The following CIDEA variants were observed in gnomAD, a reference collection of about 807,000 sequenced individuals.
The protein encoded by CIDEA is cell death inducing DFFA like effector a.
In CIDEA, 10 loss-of-function variants were observed where a neutral mutation model predicts 18.2. The ratio of observed to expected loss-of-function variants is 0.55; its 90% CI spans 0.34 to 0.93. CIDEA has a LOEUF of 0.93. CIDEA is among the 40% of genes least tolerant of loss of function. The pLI, the probability that CIDEA is intolerant of heterozygous loss-of-function variation, is 0.02. For synonymous variants in CIDEA, 128 were observed against 124.8 expected, an observed-to-expected ratio of 1.03 and a Z score of -0.17; for missense variants, 309 against 293.1, an observed-to-expected ratio of 1.05 and a Z score of -0.40.
At chr18:12,256,260 C>G (rs1912031543) in intron 1 of CIDEA, among the ~76,000 whole-genome samples, 2 of 152,236 alleles carry the variant, frequency 1.3e-5, no homozygotes, top group Admixed American at 6.5e-5. Flanking sequence ...TGTGCTCTTG[C>G]TGGACTTCGG....
intron 3 of CIDEA, among the ~76,000 whole-genome samples, chr18:12,271,780 A>G (rs1568105617): frequency 6.6e-6 from 1 of 151,952 alleles, no homozygotes; most frequent in East Asian, 2.0e-4. Flanking sequence ...TTCTGGGCAA[A>G]ACCAGTTTAG....
chr18:12,276,915 T>G (rs1267887789), intron 4 of CIDEA, among the ~76,000 whole-genome samples: 1 of 152,220 alleles, frequency 6.6e-6, no homozygotes, highest in Non-Finnish European at 1.5e-5. Context: ...CACAGAGACC[T>G]GCTCCTGGCC....
At chr18:12,254,471 G>A (rs1911954835) in intron 1 of CIDEA, 50 bp downstream of exon 1, 2 of 1,583,232 alleles carry the variant, frequency 1.3e-6, no homozygotes, top group Admixed American at 3.5e-5. Flanking sequence ...ATCGCCTTGC[G>A]TTCGGTGGCC....
chr18:12,277,518 C>A lies in CIDEA; in HGVS notation c.*248C>A, dbSNP rs900547192. ...GGGAAGCGAGCACGCAGCAGGCGTG[C>A]CCAGGAGCGTGTGCATGTGTCAGAG... On this transcript the variant is annotated 3_prime_UTR_variant, in exon 5 of 5. Transcript: ENST00000320477. The A allele has an allele frequency of 2.4e-5, 12 of 494,010 alleles. No individual in the cohort carries two copies. Among genetic ancestry groups the A allele is most frequent in the Non-Finnish European group, 3.7e-5 (10 of 273,144 alleles). The allele number at this position is 494,010 out of a possible 1,614,324, so 30.6% of individuals were successfully genotyped here.
chr18:12,263,871 T>C (rs1912266342), intron 2 of CIDEA: 1 of 152,728 alleles, frequency 6.5e-6, no homozygotes. Context: ...AAATAGGTAA[T>C]CTTAGAAATT....
At chr18:12,269,539 A>T (rs1912454000) in intron 3 of CIDEA, among the ~76,000 whole-genome samples, 1 of 152,118 alleles carries the variant, frequency 6.6e-6, no homozygotes, top group Non-Finnish European at 1.5e-5. Flanking sequence ...TTTTGAATGG[A>T]CCTTTTTCCT....
chr18:12,267,055 G>A (rs368373446), intron 3 of CIDEA, among the ~76,000 whole-genome samples: 78 of 152,146 alleles, frequency 5.1e-4, no homozygotes, highest in African/African-American at 1.8e-3. Context: ...CACCGCACCC[G>A]GCCGATTTTT....
At chr18:12,254,785 C>G (rs764909081) in intron 1 of CIDEA, 3 of 1,367,042 alleles carry the variant, frequency 2.2e-6, no homozygotes, top group Non-Finnish European at 1.9e-6. Flanking sequence ...GAAGAGGGTC[C>G]GGTCCCAGGA....
chr18:12,262,408 A>G (rs1462721667), intron 1 of CIDEA, among the ~76,000 whole-genome samples: 1 of 152,212 alleles, frequency 6.6e-6, no homozygotes, highest in Non-Finnish European at 1.5e-5. Context: ...TTGTGTAAAC[A>G]TGTAGCTATG....
intron 3 of CIDEA, among the ~76,000 whole-genome samples, chr18:12,265,056 A>G (rs1420062037): frequency 1.3e-5 from 2 of 152,126 alleles, no homozygotes; most frequent in Non-Finnish European, 2.9e-5. Flanking sequence ...TGACTTGGCA[A>G]CTCTTCACCA....
chr18:12,274,251 CACGGG>C lies in CIDEA; in HGVS notation c.492_496del (p.Gly165GlnfsTer35). 6.2e-7 allele frequency: 1 copy of C among 1,614,198 alleles called. No homozygotes were observed. Among genetic ancestry groups the C allele is most frequent in the Non-Finnish European group, 8.5e-7 (1 of 1,180,034 alleles). ...ACTCCGTGTCCTACGACATCCGGTG[CACGGG>C]ACTCAAGGGCCTGCTGAGGTAACAC... On this transcript the variant is annotated frameshift_variant, in exon 4 of 5. Coordinates refer to ENST00000320477, the MANE Select transcript of CIDEA (RefSeq NM_001279.4). LOFTEE classifies it low-confidence loss of function (END_TRUNC).
chr18:12,255,662 T>C (rs1912011640), intron 1 of CIDEA, among the ~76,000 whole-genome samples: 1 of 152,156 alleles, frequency 6.6e-6, no homozygotes, highest in African/African-American at 2.4e-5. Flanking sequence ...TTCCAGTGAA[T>C]TCACAACACA....
In CIDEA at chr18:12,276,438, A is replaced by G. The variant is rs560498963; in HGVS notation, c.513-685A>G. Among the ~76,000 whole-genome samples the G allele has an allele frequency of 2.0e-5, 3 of 152,302 alleles. No individual in the cohort carries two copies. The East Asian group carries it at 5.8e-4, about 29-fold the overall frequency. ...CTCTGAAAGTGCTGGGATTATAGGC[A>G]TGAGCCACCACACCTGGCCACAAAG... On this transcript the variant is annotated intron_variant, in intron 4 of 4. Transcript: ENST00000320477.
intron 3 of CIDEA, among the ~76,000 whole-genome samples, chr18:12,266,263 G>C (rs892680067): frequency 6.6e-6 from 1 of 151,920 alleles, no homozygotes; most frequent in Non-Finnish European, 1.5e-5. Context: ...ATACCAGCCT[G>C]AGCAACATGG....
chr18:12,261,867 G>A (rs1213492986), intron 1 of CIDEA, among the ~76,000 whole-genome samples: 1 of 151,540 alleles, frequency 6.6e-6, no homozygotes, highest in African/African-American at 2.4e-5. Flanking sequence ...AGGCATGAGA[G>A]CCACCATGCC....
intron 3 of CIDEA, among the ~76,000 whole-genome samples, chr18:12,273,817 C>G (rs1488963451): frequency 6.6e-6 from 1 of 152,290 alleles, no homozygotes; most frequent in East Asian, 1.9e-4. Context: ...CACTGAGCAA[C>G]GGGGTCCTAA....
intron 1 of CIDEA, among the ~76,000 whole-genome samples, chr18:12,255,833 A>C (rs1176958815): frequency 6.6e-6 from 1 of 152,182 alleles, no homozygotes; most frequent in East Asian, 1.9e-4. Context: ...GGTCTCTGTG[A>C]GGTCGTGTGA....
At chr18:12,262,424 G>A (rs543012736) in intron 1 of CIDEA, among the ~76,000 whole-genome samples, 209 of 152,302 alleles carry the variant, frequency 1.4e-3, no homozygotes, top group Non-Finnish European at 2.2e-3. Context: ...CTATGTGCAC[G>A]TGTCTGAGTG....
intron 1 of CIDEA, chr18:12,255,030 G>T: frequency 1.0e-6 from 1 of 976,148 alleles, no homozygotes; most frequent in Non-Finnish European, 1.3e-6. Context: ...GGGAGCAGGG[G>T]GGACAAGGGG....
Sources: gnomAD v4.1 joint callset for allele counts (sites outside exome capture counted in the v4.1 genomes callset) on GRCh38, gnomAD v4.1.1 for gene constraint, MANE v1.5 for transcripts, NCBI Gene and HGNC (gene_info 2026-07-23, HGNC 2026-07-21) for gene names.